Variants in KCNH1 observed in about 807,000 individuals in gnomAD.
The protein encoded by KCNH1 is voltage-gated delayed rectifier potassium channel KCNH1.
Under a neutral mutation model 69.2 loss-of-function variants are expected in KCNH1, and 27 were observed. The ratio of observed to expected loss-of-function variants is 0.39; its 90% CI spans 0.29 to 0.54. KCNH1 has a LOEUF of 0.54. Ranked by LOEUF, KCNH1 falls within the 20% of genes least tolerant of loss-of-function variation. The pLI is 0.68. For synonymous variants in KCNH1, 456 were observed against 487.7 expected, an observed-to-expected ratio of 0.93 and a Z score of 0.86; for missense variants, 798 against 1,261.6, an observed-to-expected ratio of 0.63 and a Z score of 5.57.
At chr1:210,699,176 A>G (rs994821866) in intron 10 of KCNH1, among the ~76,000 whole-genome samples, 1 of 152,248 alleles carries the variant, frequency 6.6e-6, no homozygotes, top group African/African-American at 2.4e-5. Context: ...TAAATGAGAC[A>G]TAATGTACAT....
intron 5 of KCNH1, among the ~76,000 whole-genome samples, chr1:211,061,842 C>G (rs1484477987): frequency 6.6e-6 from 1 of 152,072 alleles, no homozygotes; most frequent in East Asian, 1.9e-4. Flanking sequence ...GAAAAGTATT[C>G]CATGCCCATG....
chr1:210,683,905 G>A lies in KCNH1; in HGVS notation c.2346C>T (p.Leu782=), dbSNP rs781750329. The change falls in exon 11 of 11, where the codon CTC becomes CTT. Residue 782 remains leucine (L), a synonymous_variant. Coordinates refer to ENST00000271751, the MANE Select transcript of KCNH1 (RefSeq NM_172362.3). The surrounding 1 kb of genome is among the most constrained non-coding windows in gnomAD (Gnocchi z 5.7). ...LTEHASANHS[L]VKASVVTVRE... ...GCACGGTGACCACGCTGGCCTTCAC[G>A]AGGCTGTGGTTGGCGGAGGCATGCT... The A allele has an allele frequency of 5.6e-6, 9 of 1,613,394 alleles. No homozygotes were observed. Among genetic ancestry groups the A allele is most frequent in the Non-Finnish European group, 7.6e-6 (9 of 1,179,410 alleles).
At chr1:211,127,169 A>G (rs922990243) in intron 1 of KCNH1, among the ~76,000 whole-genome samples, 2 of 152,130 alleles carry the variant, frequency 1.3e-5, no homozygotes, top group African/African-American at 4.8e-5. Flanking sequence ...TTGGGCACAT[A>G]GGAAGTCCAT....
chr1:210,965,443 C>A (rs1173751602), intron 6 of KCNH1, among the ~76,000 whole-genome samples: 1 of 152,048 alleles, frequency 6.6e-6, no homozygotes. Context: ...CACAAGCATT[C>A]TTTCTTCACA....
At chr1:210,776,856 G>A (rs1453439751) in intron 9 of KCNH1, among the ~76,000 whole-genome samples, 1 of 152,150 alleles carries the variant, frequency 6.6e-6, no homozygotes, top group Non-Finnish European at 1.5e-5. Flanking sequence ...ACCTTTGCCA[G>A]CAAGCAACAT....
chr1:210,832,788 C>G (rs1685189025), intron 7 of KCNH1, among the ~76,000 whole-genome samples: 1 of 151,468 alleles, frequency 6.6e-6, no homozygotes, highest in African/African-American at 2.4e-5. Flanking sequence ...CAGAGAAGAC[C>G]GCAGATAGTC....
chr1:210,738,552 C>CTT lies in KCNH1; in HGVS notation c.2112+36794_2112+36795dup, dbSNP rs57669878. Among the ~76,000 whole-genome samples the CTT allele has an allele frequency of 1.6e-3, 80 of 49,154 alleles. 4 individuals carry two copies. The highest frequency in any genetic ancestry group is 2.4e-3 in the Non-Finnish European group (58 of 24,366). 32.2% of individuals were successfully genotyped at this position (49,154 alleles called of 152,430 possible). A position where few individuals can be genotyped will look rare whatever the true frequency, so the allele number is the denominator to read the frequency against. On this transcript the variant is annotated intron_variant, in intron 10 of 10. Coordinates refer to ENST00000271751, the MANE Select transcript of KCNH1 (RefSeq NM_172362.3). ...CTGTATTCCTGGCTTGGCTTTTTTG[C>CTT]TTTTTTTTTTTTTTTTTTTTTTTTT... is the stretch of plus-strand genomic sequence containing the variant.
rs759999693 is a variant in KCNH1 at position 211,006,513 on chromosome 1, G to A, written c.1032+12270C>T. ...AAATAGGCAAAATAAAAACTCTAGC[G>A]TTAGAAATCAAGTTGCTCTGGGGGA... is the stretch of plus-strand genomic sequence containing the variant. On this transcript the variant is annotated intron_variant, in intron 6 of 10. Coordinates refer to ENST00000271751, the MANE Select transcript of KCNH1 (RefSeq NM_172362.3). Among the ~76,000 whole-genome samples the A allele has an allele frequency of 3.0e-4, 46 of 152,124 alleles. 1 individual carries two copies. Among genetic ancestry groups the A allele is most frequent in the Non-Finnish European group, 4.3e-4 (29 of 67,996 alleles).
At chr1:210,712,180 C>T (rs936274326) in intron 10 of KCNH1, among the ~76,000 whole-genome samples, 1 of 152,202 alleles carries the variant, frequency 6.6e-6, no homozygotes, top group African/African-American at 2.4e-5. Flanking sequence ...CGTACATCTC[C>T]AGAATCCATA....
rs1313186063 is a variant in KCNH1, at chr1:210,712,254, CAAAT to C, written c.2113-28120_2113-28117del. Among the ~76,000 whole-genome samples the C allele has an allele frequency of 3.3e-5, 5 of 152,292 alleles. No individual in the cohort carries two copies. The South Asian group carries it at 6.2e-4, about 19-fold the overall frequency. The stretch of plus-strand genomic sequence containing the variant: ...ATATTTGCCTTTCCTTAAAACAACT[CAAAT>C]AAAAATAATACTTCTATGAACTAAA... On this transcript the variant is annotated intron_variant, in intron 10 of 10. Transcript: ENST00000271751.
intron 6 of KCNH1, among the ~76,000 whole-genome samples, chr1:211,004,613 C>T (rs1689244675): frequency 6.6e-6 from 1 of 151,728 alleles, no homozygotes; most frequent in Non-Finnish European, 1.5e-5. Context: ...AGTGAAACAA[C>T]TAAGAGCAAA....
At chr1:210,768,272 G>A (rs926399662) in intron 10 of KCNH1, among the ~76,000 whole-genome samples, 1 of 152,130 alleles carries the variant, frequency 6.6e-6, no homozygotes, top group African/African-American at 2.4e-5. Context: ...GTCAAAGCAT[G>A]CTTCTAAGGC....
At chr1:210,862,234 G>T in intron 7 of KCNH1, 1 of 1,146,714 alleles carries the variant, frequency 8.7e-7, no homozygotes, top group Admixed American at 1.7e-5. Flanking sequence ...CTCTTGCAGG[G>T]CTGGGTCCAT....
At chr1:210,850,903 C>A (rs1685685085) in intron 7 of KCNH1, among the ~76,000 whole-genome samples, 1 of 152,234 alleles carries the variant, frequency 6.6e-6, no homozygotes, top group African/African-American at 2.4e-5. Context: ...TACTGGCCTC[C>A]AACAGCCATG....
At chr1:210,993,643 A>G (rs1260231607) in intron 6 of KCNH1, among the ~76,000 whole-genome samples, 1 of 152,242 alleles carries the variant, frequency 6.6e-6, no homozygotes. Flanking sequence ...ACCGTTTATT[A>G]TAGTTTCACA....
At chr1:210,806,822 A>ATATATATATATATAT (rs1553346543) in intron 7 of KCNH1, among the ~76,000 whole-genome samples, 13 of 42,088 alleles carry the variant, frequency 3.1e-4, no homozygotes, top group Non-Finnish European at 6.9e-4. Context: ...AAAAAAAAAA[A>ATATATATATATATAT]AAAAAAAAAA....
chr1:210,735,273 C>G (rs891084887), intron 10 of KCNH1, among the ~76,000 whole-genome samples: 1 of 152,164 alleles, frequency 6.6e-6, no homozygotes, highest in African/African-American at 2.4e-5. Context: ...CAGGCATCAC[C>G]TTTCTTCTTC....
At chr1:211,090,130 G>A (rs1366620552) in intron 4 of KCNH1, among the ~76,000 whole-genome samples, 1 of 152,210 alleles carries the variant, frequency 6.6e-6, no homozygotes, top group Non-Finnish European at 1.5e-5. Context: ...ATGCAAAGAT[G>A]TGCTAAAGTC....
chr1:211,075,620 T>C (rs925804772), intron 5 of KCNH1, among the ~76,000 whole-genome samples: 3 of 152,214 alleles, frequency 2.0e-5, no homozygotes, highest in Non-Finnish European at 2.9e-5. Context: ...GGATCCAAGA[T>C]GGCCGAATAG....
Sources: allele counts gnomAD v4.1 joint callset (sites outside exome capture counted in the v4.1 genomes callset), GRCh38; gene constraint gnomAD v4.1.1; non-coding constraint Gnocchi (gnomAD v3.1); transcripts MANE v1.5; gene names NCBI Gene and HGNC (gene_info 2026-07-23, HGNC 2026-07-21).